The following BTBD10 variants were observed in gnomAD, a reference collection of about 807,000 sequenced individuals.
BTBD10 encodes BTB/POZ domain-containing protein 10.
In BTBD10, 21 loss-of-function variants were observed where a neutral mutation model predicts 53.2. The observed-to-expected ratio is 0.39, with a 90% confidence interval of 0.28 to 0.57. BTBD10 has a LOEUF of 0.57. BTBD10 is among the 20% of genes least tolerant of loss of function. The pLI, the probability that BTBD10 is intolerant of heterozygous loss-of-function variation, is 0.53. For synonymous variants in BTBD10, 149 were observed against 192.7 expected, an observed-to-expected ratio of 0.77 and a Z score of 1.88; for missense variants, 360 against 594.7, an observed-to-expected ratio of 0.61 and a Z score of 4.10.
rs998519519 is a variant in BTBD10 at position 13,421,785 on chromosome 11, T to C, written c.155A>G (p.His52Arg). The C allele has an allele frequency of 1.9e-6, 3 of 1,613,958 alleles. No homozygotes were observed. Among genetic ancestry groups the C allele is most frequent in the African/African-American group, 1.3e-5 (1 of 74,932 alleles). Residue 52 changes from histidine (H) to arginine (R), a missense_variant, in exon 3 of 9, where the codon CAT becomes CGT. His to Arg is a conservative substitution (Grantham distance 29, BLOSUM62 0). Transcript: ENST00000278174. Reference sequence around the variant, plus strand: ...TCTCTCATGTCCCCCACTAGCACCATGTAGACTCATTTTGGTGTGGTCAAC... The same window carrying C: ...TCTCTCATGTCCCCCACTAGCACCACGTAGACTCATTTTGGTGTGGTCAAC... ...GGVDHTKMSL[H>R]GASGGHERSR...
intron 8 of BTBD10, among the ~76,000 whole-genome samples, chr11:13,392,166 G>A (rs1949425584): frequency 1.3e-5 from 2 of 152,148 alleles, no homozygotes; most frequent in African/African-American, 2.4e-5. Flanking sequence ...GCAAATATAC[G>A]TACATAAGAG....
At chr11:13,404,199 T>C (rs1949768797) in intron 7 of BTBD10, among the ~76,000 whole-genome samples, 1 of 152,188 alleles carries the variant, frequency 6.6e-6, no homozygotes, top group Non-Finnish European at 1.5e-5. Context: ...GAAAGGACAA[T>C]ATCTGTCATA....
At chr11:13,435,989 A>G (rs558457497) in intron 2 of BTBD10, among the ~76,000 whole-genome samples, 1 of 152,352 alleles carries the variant, frequency 6.6e-6, no homozygotes, top group African/African-American at 2.4e-5. Flanking sequence ...AGGCCCTTTG[A>G]TGTTATTGTA....
At chr11:13,441,479 T>A (rs575224550) in intron 2 of BTBD10, among the ~76,000 whole-genome samples, 1 of 152,234 alleles carries the variant, frequency 6.6e-6, no homozygotes, top group South Asian at 2.1e-4. Flanking sequence ...AAATAAAATA[T>A]AATAATTAAA....
chr11:13,456,068 T>C (rs1711873130), intron 1 of BTBD10, among the ~76,000 whole-genome samples: 1 of 152,186 alleles, frequency 6.6e-6, no homozygotes, highest in African/African-American at 2.4e-5. Context: ...AATCTAAAAT[T>C]TGCCCTGAGA....
intron 1 of BTBD10, among the ~76,000 whole-genome samples, chr11:13,447,003 T>C (rs1386922563): frequency 1.3e-5 from 2 of 152,034 alleles, no homozygotes; most frequent in African/African-American, 2.4e-5. Context: ...AAAGAAACAA[T>C]GTGAGAAAAT....
chr11:13,427,008 G>C (rs1950351431), intron 2 of BTBD10, among the ~76,000 whole-genome samples: 1 of 152,108 alleles, frequency 6.6e-6, no homozygotes, highest in Admixed American at 6.6e-5. Context: ...TTGAGCCCAG[G>C]AGTTCGAGAC....
At chr11:13,450,456 C>T (rs1950836829) in intron 1 of BTBD10, among the ~76,000 whole-genome samples, 1 of 152,158 alleles carries the variant, frequency 6.6e-6, no homozygotes, top group Non-Finnish European at 1.5e-5. Context: ...TGAAAGATCA[C>T]TTGATGAGCT....
chr11:13,398,052 T>C (rs1949602546), intron 8 of BTBD10, among the ~76,000 whole-genome samples: 1 of 152,226 alleles, frequency 6.6e-6, no homozygotes, highest in Non-Finnish European at 1.5e-5. Context: ...TAGATGTCTA[T>C]TAGGTCTGCT....
intron 2 of BTBD10, among the ~76,000 whole-genome samples, chr11:13,427,204 G>A (rs755137610): frequency 2.7e-4 from 40 of 150,508 alleles, no homozygotes; most frequent in Non-Finnish European, 4.1e-4. Flanking sequence ...GCAACAGAGG[G>A]AGACCCTGTC....
At chr11:13,443,045 T>G (rs1212432924) in intron 2 of BTBD10, among the ~76,000 whole-genome samples, 2 of 152,058 alleles carry the variant, frequency 1.3e-5, no homozygotes, top group African/African-American at 4.8e-5. Flanking sequence ...ACTTTAATGT[T>G]TTTCACTCAA....
chr11:13,438,271 T>C (rs1950579936), intron 2 of BTBD10, among the ~76,000 whole-genome samples: 1 of 152,084 alleles, frequency 6.6e-6, no homozygotes, highest in African/African-American at 2.4e-5. Flanking sequence ...ATCTTAGCTA[T>C]TTGCTTTGCT....
At chr11:13,400,976 G>A (rs992161861) in intron 8 of BTBD10, among the ~76,000 whole-genome samples, 41 of 152,096 alleles carry the variant, frequency 2.7e-4, no homozygotes, top group African/African-American at 9.2e-4. Context: ...TTGGTTTAGA[G>A]AAAACAGCTA....
In BTBD10 at chr11:13,423,082, T is replaced by G. The variant is rs563682280; in HGVS notation, c.102-1244A>C. 3.9e-5 allele frequency among the ~76,000 whole-genome samples: 6 copies of G among 152,328 alleles called. No individual in the cohort carries two copies. The East Asian group carries it at 1.2e-3, about 29-fold the overall frequency. The stretch of plus-strand genomic sequence containing the variant: ...AAAGACATTGCTATAGAGTAGCCAC[T>G]AGTGTATCACTAGTGTCCAGGCCCT... On this transcript the variant is annotated intron_variant, in intron 2 of 8. Coordinates refer to ENST00000278174, the MANE Select transcript of BTBD10 (RefSeq NM_032320.7).
intron 1 of BTBD10, among the ~76,000 whole-genome samples, chr11:13,459,206 G>A (rs1393220503): frequency 1.3e-5 from 2 of 150,912 alleles, no homozygotes; most frequent in Non-Finnish European, 3.0e-5. Context: ...ACAGGCGCCC[G>A]CCACTACGCC....
At chr11:13,443,253 A>C (rs1354284415) in intron 2 of BTBD10, among the ~76,000 whole-genome samples, 1 of 152,022 alleles carries the variant, frequency 6.6e-6, no homozygotes, top group East Asian at 1.9e-4. Flanking sequence ...CCATTTCAAA[A>C]AAAAAAAAGA....
intron 8 of BTBD10, among the ~76,000 whole-genome samples, chr11:13,390,686 T>C (rs530439088): frequency 9.8e-4 from 149 of 152,316 alleles, no homozygotes; most frequent in African/African-American, 3.5e-3. Context: ...AATGAGCTGA[T>C]TTTGGCCCAT....
chr11:13,392,765 T>C (rs1489213921), intron 8 of BTBD10, among the ~76,000 whole-genome samples: 1 of 152,178 alleles, frequency 6.6e-6, no homozygotes, highest in African/African-American at 2.4e-5. Flanking sequence ...AAAGACTTCA[T>C]TACTTTGCCT....
chr11:13,426,135 A>G (rs1185431482), intron 2 of BTBD10, among the ~76,000 whole-genome samples: 2 of 152,178 alleles, frequency 1.3e-5, no homozygotes, highest in Non-Finnish European at 2.9e-5. Context: ...TTTGGCAAAA[A>G]TTACAAACCC....
Sources: gnomAD v4.1 joint callset for allele counts (sites outside exome capture counted in the v4.1 genomes callset) on GRCh38, gnomAD v4.1.1 for gene constraint, MANE v1.5 for transcripts, NCBI Gene and HGNC (gene_info 2026-07-23, HGNC 2026-07-21) for gene names.